The following ZSWIM5 variants were observed in gnomAD, a reference collection of about 807,000 sequenced individuals.
ZSWIM5 encodes the protein zinc finger SWIM domain-containing protein 5.
A neutral mutation model predicts 119.6 loss-of-function variants in ZSWIM5; 55 were observed. That is an observed-to-expected ratio of 0.46 (90% CI 0.37 to 0.58). The LOEUF is 0.58. Ranked by LOEUF, ZSWIM5 falls within the 20% of genes least tolerant of loss-of-function variation. The pLI is 0.00. For synonymous variants in ZSWIM5, 537 were observed against 606.9 expected (o/e 0.88, Z 1.69); for missense variants, 1,193 against 1,512.8 (o/e 0.79, Z 3.51).
At chr1:45,126,556 A>T (rs969254818) in intron 1 of ZSWIM5, among the ~76,000 whole-genome samples, 4 of 152,166 alleles carry the variant, frequency 2.6e-5, no homozygotes, top group Non-Finnish European at 5.9e-5. Context: ...AAAACTCCCA[A>T]GGGAAATCCT....
chr1:45,187,012 T>C (rs1646063356), intron 1 of ZSWIM5, among the ~76,000 whole-genome samples: 7 of 152,194 alleles, frequency 4.6e-5, no homozygotes. Flanking sequence ...AGAACACTAA[T>C]AGAGATGCCA....
At chr1:45,062,928 T>C (rs1645161474) in intron 2 of ZSWIM5, among the ~76,000 whole-genome samples, 1 of 152,208 alleles carries the variant, frequency 6.6e-6, no homozygotes, top group African/African-American at 2.4e-5. Flanking sequence ...ACCCAGGTAG[T>C]GAGCATAGTA....
chr1:45,184,378 A>G (rs1256435453), intron 1 of ZSWIM5, among the ~76,000 whole-genome samples: 2 of 152,198 alleles, frequency 1.3e-5, no homozygotes, highest in African/African-American at 4.8e-5. Flanking sequence ...TATTCAACAC[A>G]GTGCTGGAAG....
intron 1 of ZSWIM5, among the ~76,000 whole-genome samples, chr1:45,100,710 C>T (rs1486640772): frequency 6.6e-6 from 1 of 152,072 alleles, no homozygotes; most frequent in Non-Finnish European, 1.5e-5. Context: ...ATATACAGAC[C>T]AATGGAACAG....
At chr1:45,097,985 G>A (rs78474319) in intron 1 of ZSWIM5, among the ~76,000 whole-genome samples, 3,130 of 152,214 alleles carry the variant, frequency 0.021, 115 homozygotes, top group African/African-American at 0.072. Flanking sequence ...GAGTTTTTGA[G>A]GAAATAATAT....
At chr1:45,032,423 C>T (rs1016474072) in intron 11 of ZSWIM5, among the ~76,000 whole-genome samples, 2 of 151,858 alleles carry the variant, frequency 1.3e-5, no homozygotes, top group Non-Finnish European at 2.9e-5. Flanking sequence ...AGCCACTGCA[C>T]CTGGCCTCAT....
At chr1:45,198,440 G>T (rs561622830) in intron 1 of ZSWIM5, among the ~76,000 whole-genome samples, 1 of 152,340 alleles carries the variant, frequency 6.6e-6, no homozygotes, top group South Asian at 2.1e-4. Context: ...GGATATTCAA[G>T]TCATGTTACT....
rs150552141 is a variant in ZSWIM5, at chr1:45,084,003, G to A, written c.952+3878C>T. ...TGGTTCACTGCAATCTCTGCCTCCT[G>A]GGCTCAAGCCATCCTCCCACCTCAG... On this transcript the variant is annotated intron_variant, in intron 2 of 13. Transcript: ENST00000359600. Among the ~76,000 whole-genome samples the A allele has an allele frequency of 2.6e-3, 401 of 152,258 alleles. 2 individuals are homozygous for A. The highest frequency in any genetic ancestry group is 9.2e-3 in the African/African-American group (382 of 41,532).
At chr1:45,105,443 C>A (rs1037454102) in intron 1 of ZSWIM5, among the ~76,000 whole-genome samples, 4 of 148,384 alleles carry the variant, frequency 2.7e-5, no homozygotes, top group African/African-American at 7.3e-5. Flanking sequence ...CTCTGCCCGG[C>A]CGCCCCGTCT....
chr1:45,134,814 T>A (rs184244859), intron 1 of ZSWIM5, among the ~76,000 whole-genome samples: 1 of 152,338 alleles, frequency 6.6e-6, no homozygotes, highest in African/African-American at 2.4e-5. Flanking sequence ...AGATACTTCA[T>A]ATGAATAGAA....
chr1:45,118,529 C>T (rs567045636), intron 1 of ZSWIM5, among the ~76,000 whole-genome samples: 13 of 152,002 alleles, frequency 8.6e-5, no homozygotes, highest in Non-Finnish European at 1.6e-4. Flanking sequence ...AGGTGTGAGT[C>T]CAGGAGTTTG....
chr1:45,080,494 T>A (rs948844843), intron 2 of ZSWIM5, among the ~76,000 whole-genome samples: 5 of 152,218 alleles, frequency 3.3e-5, no homozygotes, highest in Admixed American at 6.5e-5. Flanking sequence ...ATGCTATGAC[T>A]GCTGGGCGAT....
At chr1:45,021,197 G>C (rs576900235) in intron 11 of ZSWIM5, among the ~76,000 whole-genome samples, 1 of 152,074 alleles carries the variant, frequency 6.6e-6, no homozygotes, top group Non-Finnish European at 1.5e-5. Context: ...CACCACGCCC[G>C]GTTAATTTTT....
intron 1 of ZSWIM5, among the ~76,000 whole-genome samples, chr1:45,117,382 A>C (rs1225925962): frequency 1.5e-5 from 2 of 131,790 alleles, no homozygotes; most frequent in Non-Finnish European, 3.2e-5. Flanking sequence ...CACTTCATAA[A>C]ATAACAGGGA....
chr1:45,198,032 A>T (rs2149056227), intron 1 of ZSWIM5, among the ~76,000 whole-genome samples: 1 of 152,374 alleles, frequency 6.6e-6, no homozygotes, highest in East Asian at 1.9e-4. Flanking sequence ...CATCCACATC[A>T]ATTTGTGAGG....
intron 1 of ZSWIM5, among the ~76,000 whole-genome samples, chr1:45,089,202 A>T (rs1645349165): frequency 2.0e-5 from 3 of 152,144 alleles, no homozygotes; most frequent in Admixed American, 1.3e-4. Flanking sequence ...GCTGGTCTTG[A>T]ACTCCAGGGC....
intron 1 of ZSWIM5, among the ~76,000 whole-genome samples, chr1:45,190,310 G>T (rs1646083792): frequency 6.6e-6 from 1 of 152,020 alleles, no homozygotes; most frequent in Admixed American, 6.6e-5. Flanking sequence ...GGGTGACAGA[G>T]CCAGACCCTG....
intron 2 of ZSWIM5, chr1:45,070,532 T>C (rs1318600094): frequency 1.7e-6 from 1 of 572,498 alleles, no homozygotes; most frequent in South Asian, 2.6e-5. Flanking sequence ...TCATGATTTT[T>C]TTCTGTTCTT....
At chr1:45,044,307 G>A (rs1645034187) in intron 5 of ZSWIM5, among the ~76,000 whole-genome samples, 1 of 151,926 alleles carries the variant, frequency 6.6e-6, no homozygotes, top group Non-Finnish European at 1.5e-5. Flanking sequence ...AACTGATGAG[G>A]CCAGGTGTGA....
Sources: allele counts gnomAD v4.1 joint callset (sites outside exome capture counted in the v4.1 genomes callset), GRCh38; gene constraint gnomAD v4.1.1; transcripts MANE v1.5; gene names NCBI Gene and HGNC (gene_info 2026-07-23, HGNC 2026-07-21).